The following PTDSS2 variants were observed in gnomAD, a reference collection of about 807,000 sequenced individuals.
PTDSS2 encodes the protein PSS-2.
A neutral mutation model predicts 64.7 loss-of-function variants in PTDSS2; 41 were observed. The observed-to-expected ratio is 0.63, with a 90% confidence interval of 0.49 to 0.82. The LOEUF (loss-of-function observed/expected upper bound fraction) is 0.82. Ranked by LOEUF, PTDSS2 falls within the 40% of genes least tolerant of loss-of-function variation. The pLI is 0.00. For missense variants in PTDSS2, 485 were observed against 650.0 expected, an observed-to-expected ratio of 0.75 and a Z score of 2.76; for synonymous variants, 297 against 277.8, an observed-to-expected ratio of 1.07 and a Z score of -0.69.
chr11:484,706 C>A (rs117981589), intron 4 of PTDSS2, among the ~76,000 whole-genome samples: 1 of 144,528 alleles, frequency 6.9e-6, no homozygotes, highest in African/African-American at 2.6e-5. Flanking sequence ...TGTGTGCAGG[C>A]GAGCGTAAAC....
At chr11:477,984 C>A (rs1453402541) in intron 3 of PTDSS2, among the ~76,000 whole-genome samples, 1 of 152,190 alleles carries the variant, frequency 6.6e-6, no homozygotes, top group East Asian at 1.9e-4. Flanking sequence ...TCATGAGCCA[C>A]GGGGGCCGTC....
chr11:473,605 C>T (rs1341158509), intron 2 of PTDSS2, among the ~76,000 whole-genome samples: 1 of 152,226 alleles, frequency 6.6e-6, no homozygotes, highest in African/African-American at 2.4e-5. Flanking sequence ...GCCTTCCCTG[C>T]CGCGGAGGAG....
Position 460,432 on chromosome 11 carries a change from G to A in PTDSS2, c.284+144G>A. On this transcript the variant is annotated intron_variant, in intron 2 of 11. Transcript: ENST00000308020. This position sits in a 1 kb window ranked among gnomAD's most constrained non-coding sequence, Gnocchi z 5.8. ...GGCCGCCGGCCTCTCCCTTGAGTGT[G>A]TCTGATGTGCAGACTCCAGGGCTGC... The A allele has an allele frequency of 1.5e-6, 1 of 659,150 alleles. No homozygotes were observed. The allele number at this position is 659,150 out of a possible 1,614,324, so 40.8% of individuals were successfully genotyped here.
chr11:450,664 G>A, intron 1 of PTDSS2, 27 bp downstream of exon 1: 1 of 1,242,470 alleles, frequency 8.0e-7, no homozygotes, highest in Non-Finnish European at 1.0e-6. Context: ...GCCGCGGGGC[G>A]GCGAGGGTGC....
At chr11:487,533 C>A in intron 6 of PTDSS2, 63 bp downstream of exon 6, 1 of 1,470,846 alleles carries the variant, frequency 6.8e-7, no homozygotes, top group Non-Finnish European at 9.5e-7. Context: ...GGGCTCTGGA[C>A]CGTTTCTGTC....
chr11:462,727 C>G lies in PTDSS2; in HGVS notation c.284+2439C>G, dbSNP rs768640214. ...TGGGCAGCCACCCTACCTGCCCCTA[C>G]GCAGGGTGTCCACACAGAGGGTGTC... On this transcript the variant is annotated intron_variant, in intron 2 of 11. Transcript: ENST00000308020. The surrounding 1 kb of genome is among the most constrained non-coding windows in gnomAD (Gnocchi z 4.5). Among the ~76,000 whole-genome samples, 12 of 152,160 alleles carry G rather than the reference C, an allele frequency of 7.9e-5. No homozygotes were observed. Among genetic ancestry groups the G allele is most frequent in the Non-Finnish European group, 1.3e-4 (9 of 67,996 alleles).
Position 450,617 on chromosome 11 carries a change from C to T in PTDSS2, c.162C>T (p.Asp54=), listed in dbSNP as rs1040458969. The change falls in exon 1 of 12, where the codon GAC becomes GAT. Residue 54 remains aspartate (D), a synonymous_variant. Coordinates refer to ENST00000308020, the MANE Select transcript of PTDSS2 (RefSeq NM_030783.3). ...GCACCGAGTCCGAGGTCTACGACGA[C>T]GGCACCAACACCTTCTTCTGGTGAG... ...RRSTESEVYD[D]GTNTFFWRAH... 115 of 1,243,576 alleles carry T rather than the reference C, an allele frequency of 9.2e-5. No homozygotes were observed. Among genetic ancestry groups the T allele is most frequent in the Non-Finnish European group, 1.1e-4 (113 of 986,304 alleles). The allele number at this position is 1,243,576 out of a possible 1,614,324, so 77.0% of individuals were successfully genotyped here.
At chr11:466,381 G>A (rs181580392) in intron 2 of PTDSS2, among the ~76,000 whole-genome samples, 4 of 151,600 alleles carry the variant, frequency 2.6e-5, no homozygotes, top group African/African-American at 9.7e-5. Flanking sequence ...CTGAGAACGG[G>A]CACAGGAAAA....
At position 490,791 on chromosome 11, in the gene PTDSS2, T is replaced by TGTGTACGC. The variant is rs1554958772; in HGVS notation, c.*213_*214insACGCGTGT. On this transcript the variant is annotated 3_prime_UTR_variant, in exon 12 of 12. Transcript: ENST00000308020. ...GTACACGTGTGTACGTGTGTATGCGTGTGTGTACGCGTGTGTACGCGCGTG... is the reference window on the plus strand; with the variant it reads ...GTACACGTGTGTACGTGTGTATGCGTGTGTACGCGTGTGTACGCGTGTGTACGCGCGTG... 271 of 574,070 alleles carry TGTGTACGC rather than the reference T, an allele frequency of 4.7e-4. 1 individual carries two copies. The highest frequency in any genetic ancestry group is 3.9e-3 in the African/African-American group (181 of 46,672). The allele number at this position is 574,070 out of a possible 1,614,324, so 35.6% of individuals were successfully genotyped here.
rs1362024861 is a variant in PTDSS2, at chr11:490,616, G to A, written c.*34G>A. 8 of 1,543,632 alleles carry A rather than the reference G, an allele frequency of 5.2e-6. No individual in the cohort carries two copies. The South Asian group carries it at 7.2e-5, about 14-fold the overall frequency. ...GTGGCTGCCTCGTGAGCCTCCCAGA[G>A]CCCAGGCCTCCGTGGCCTCCTCCTG... On this transcript the variant is annotated 3_prime_UTR_variant, in exon 12 of 12. Transcript: ENST00000308020.
chr11:449,036 T>A (rs530874866), upstream of PTDSS2, among the ~76,000 whole-genome samples: 8 of 151,926 alleles, frequency 5.3e-5, no homozygotes, highest in East Asian at 1.5e-3. Flanking sequence ...ACATAATGCG[T>A]AGTCTCCTGT....
chr11:460,474 C>T lies in PTDSS2; in HGVS notation c.284+186C>T, dbSNP rs1399260747. ...CAGGGCTGCCCTTGGTGCTGCGTGG[C>T]GTTCCCGGTCAGCCCCCGTCGCCTG... On this transcript the variant is annotated intron_variant, in intron 2 of 11. Coordinates refer to ENST00000308020, the MANE Select transcript of PTDSS2 (RefSeq NM_030783.3). This position sits in a 1 kb window ranked among gnomAD's most constrained non-coding sequence, Gnocchi z 5.8. The T allele has an allele frequency of 3.7e-5, 21 of 568,782 alleles. No individual in the cohort carries two copies. Among genetic ancestry groups the T allele is most frequent in the Admixed American group, 6.1e-5 (2 of 32,978 alleles). 35.2% of individuals were successfully genotyped at this position (568,782 alleles called of 1,614,324 possible). A position where few individuals can be genotyped will look rare whatever the true frequency, so the allele number is the denominator to read the frequency against.
At chr11:450,117 G>C (rs1437660292), upstream of PTDSS2, among the ~76,000 whole-genome samples, 1 of 152,218 alleles carries the variant, frequency 6.6e-6, no homozygotes. Context: ...AGGCCTTGGC[G>C]AGACCCGCGC....
chr11:453,341 C>T (rs571179252), intron 1 of PTDSS2, among the ~76,000 whole-genome samples: 1 of 152,318 alleles, frequency 6.6e-6, no homozygotes, highest in South Asian at 2.1e-4. Flanking sequence ...ACCCCTTACC[C>T]TGGCGAGGTG....
At chr11:448,938 A>T (rs190166438), upstream of PTDSS2, among the ~76,000 whole-genome samples, 1 of 151,950 alleles carries the variant, frequency 6.6e-6, no homozygotes, top group African/African-American at 2.4e-5. Flanking sequence ...GTCGCTCCTT[A>T]TTACCCCTTC....
At position 490,501 on chromosome 11, in the gene PTDSS2, G is replaced by C. The variant is rs1212419276; in HGVS notation, c.1383G>C (p.Gly461=). The part of the protein sequence containing the change: ...KDDQGSTVGN[G]DQHPLGLDED... ...ACCAGGGCAGCACCGTCGGCAACGG[G>C]GACCAGCACCCACTGGGGCTGGACG... The change falls in exon 12 of 12, where the codon GGG becomes GGC. Residue 461 remains glycine (G), a synonymous_variant. Transcript: ENST00000308020. 1.9e-6 allele frequency: 3 copies of C among 1,613,032 alleles called. No individual in the cohort carries two copies. In the African/African-American group the frequency reaches 4.0e-5, roughly 22 times the overall value.
rs1336759253 is a variant in PTDSS2 at position 460,375 on chromosome 11, G to A, written c.284+87G>A. 1.8e-6 allele frequency: 2 copies of A among 1,103,122 alleles called. No individual in the cohort carries two copies. The highest frequency in any genetic ancestry group is 2.5e-5 in the East Asian group (1 of 39,430). 68.3% of individuals were successfully genotyped at this position (1,103,122 alleles called of 1,614,324 possible). On this transcript the variant is annotated intron_variant, in intron 2 of 11. Transcript: ENST00000308020. The surrounding 1 kb of genome is among the most constrained non-coding windows in gnomAD (Gnocchi z 5.8). Reference sequence around the variant, plus strand: ...ACCCTTACTGCTCGGGCTGCCGGGGGCTCAGAAGGCCTTCACCAGAGGGCT... The same window carrying A: ...ACCCTTACTGCTCGGGCTGCCGGGGACTCAGAAGGCCTTCACCAGAGGGCT...
Position 479,210 on chromosome 11 carries a change from C to A in PTDSS2, c.435+58C>A. ...ACTTAGGTGACAGTGTGGCCCCAGG[C>A]ATGGTGACAAAGGAGGCCTTGCCCA... On this transcript the variant is annotated intron_variant, in intron 4 of 11. Transcript: ENST00000308020. This position sits in a 1 kb window ranked among gnomAD's most constrained non-coding sequence, Gnocchi z 4.2. 1 of 1,416,942 alleles carries A rather than the reference C, an allele frequency of 7.1e-7. No homozygotes were observed. The highest frequency in any genetic ancestry group is 1.0e-6 in the Non-Finnish European group (1 of 1,000,086). The allele number at this position is 1,416,942 out of a possible 1,614,324, so 87.8% of individuals were successfully genotyped here. A position where few individuals can be genotyped will look rare whatever the true frequency, so the allele number is the denominator to read the frequency against.
At chr11:454,402 G>C (rs1296708782) in intron 1 of PTDSS2, among the ~76,000 whole-genome samples, 1 of 152,196 alleles carries the variant, frequency 6.6e-6, no homozygotes, top group African/African-American at 2.4e-5. Flanking sequence ...TGGGGAAATG[G>C]AAAGATGGTG....
Sources: allele counts gnomAD v4.1 joint callset (sites outside exome capture counted in the v4.1 genomes callset), GRCh38; gene constraint gnomAD v4.1.1; non-coding constraint Gnocchi (gnomAD v3.1); transcripts MANE v1.5; gene names NCBI Gene and HGNC (gene_info 2026-07-23, HGNC 2026-07-21).